ANO2: variants seen among roughly 807,000 people sequenced by gnomAD.
ANO2 encodes anoctamin-2.
Under a neutral mutation model 124.2 loss-of-function variants are expected in ANO2, and 101 were observed. The ratio of observed to expected loss-of-function variants is 0.81; its 90% CI spans 0.69 to 0.96. ANO2 has a LOEUF of 0.96. Among genes scored for constraint, ANO2 ranks in the 40% least tolerant of loss-of-function variants. ANO2 has a pLI of 0.00. For missense variants in ANO2, 1,293 were observed against 1,274.5 expected (o/e 1.01, Z -0.22); for synonymous variants, 486 against 482.5 (o/e 1.01, Z -0.09).
chr12:5,864,157 G>C (rs139635409), intron 3 of ANO2, among the ~76,000 whole-genome samples: 106 of 152,218 alleles, frequency 7.0e-4, no homozygotes, highest in Non-Finnish European at 1.3e-3. Flanking sequence ...AATCATAGCT[G>C]AGCCCACCGA....
At chr12:5,936,019 C>T (rs1032635735) in intron 1 of ANO2, among the ~76,000 whole-genome samples, 1 of 152,206 alleles carries the variant, frequency 6.6e-6, no homozygotes, top group African/African-American at 2.4e-5. Context: ...TACGTGCTTA[C>T]TAGCAATTTG....
chr12:5,800,422 A>G (rs1274435966), intron 9 of ANO2, among the ~76,000 whole-genome samples: 1 of 152,232 alleles, frequency 6.6e-6, no homozygotes, highest in Non-Finnish European at 1.5e-5. Flanking sequence ...TCTGACTGAG[A>G]TTGCAGAAGG....
chr12:5,615,070 G>T, intron 17 of ANO2, 116 bp downstream of exon 17: 1 of 699,452 alleles, frequency 1.4e-6, no homozygotes, highest in Non-Finnish European at 2.4e-6. Flanking sequence ...AAGTGGGGCG[G>T]AGAAGGGGCT....
At chr12:5,702,934 T>G (rs1226748016) in intron 14 of ANO2, among the ~76,000 whole-genome samples, 1 of 152,240 alleles carries the variant, frequency 6.6e-6, no homozygotes, top group Non-Finnish European at 1.5e-5. Flanking sequence ...ATTTGCTCAA[T>G]TATTTTAGAG....
At chr12:5,713,446 C>T (rs1949890194) in intron 14 of ANO2, among the ~76,000 whole-genome samples, 1 of 152,098 alleles carries the variant, frequency 6.6e-6, no homozygotes, top group Admixed American at 6.5e-5. Context: ...TAAACATTCC[C>T]TTCCAGAAAG....
chr12:5,566,111 G>C (rs1262805667), intron 23 of ANO2, among the ~76,000 whole-genome samples: 1 of 152,144 alleles, frequency 6.6e-6, no homozygotes, highest in African/African-American at 2.4e-5. Flanking sequence ...AGGCAGTCTT[G>C]GGCTTCTTCC....
rs114722387 is a variant in ANO2, at chr12:5,751,859, C to T, written c.1056-889G>A. On this transcript the variant is annotated intron_variant, in intron 10 of 24. Coordinates refer to ENST00000682330, the MANE Select transcript of ANO2 (RefSeq NM_001364791.2). ...GTATTGTGTAACTGAAATTTTGTAC[C>T]TTTTGACCAATATCTCCTCATTTTC... Among the ~76,000 whole-genome samples the T allele has an allele frequency of 3.1e-3, 469 of 152,078 alleles. 5 individuals carry two copies. Among genetic ancestry groups the T allele is most frequent in the African/African-American group, 0.011 (441 of 41,442 alleles).
At chr12:5,853,166 A>ATTT (rs55663635) in intron 4 of ANO2, among the ~76,000 whole-genome samples, 74,703 of 139,818 alleles carry the variant, frequency 0.53, 22,989 homozygotes, top group South Asian at 0.76. Flanking sequence ...CCCTGGGTAG[A>ATTT]TTTTTTTTTT....
intron 3 of ANO2, among the ~76,000 whole-genome samples, chr12:5,878,579 A>G (rs1337482691): frequency 6.6e-6 from 1 of 152,226 alleles, no homozygotes; most frequent in Non-Finnish European, 1.5e-5. Context: ...TTCAAATAAC[A>G]TAGACAAACA....
At chr12:5,811,137 A>G (rs1333131620) in intron 7 of ANO2, among the ~76,000 whole-genome samples, 2 of 152,192 alleles carry the variant, frequency 1.3e-5, no homozygotes, top group Non-Finnish European at 2.9e-5. Context: ...GGAAACTTTT[A>G]TCCATTGGGA....
At chr12:5,866,251 T>A (rs550623534) in intron 3 of ANO2, among the ~76,000 whole-genome samples, 1 of 152,262 alleles carries the variant, frequency 6.6e-6, no homozygotes, top group Admixed American at 6.5e-5. Context: ...ATTCACTCCA[T>A]AAAGGGAAGT....
At chr12:5,730,645 G>A (rs764707661) in intron 14 of ANO2, among the ~76,000 whole-genome samples, 2 of 152,200 alleles carry the variant, frequency 1.3e-5, no homozygotes, top group Non-Finnish European at 2.9e-5. Flanking sequence ...ATGCTATGCG[G>A]TGGGTATTGA....
At chr12:5,566,474 G>A (rs1321126235) in intron 23 of ANO2, among the ~76,000 whole-genome samples, 2 of 152,062 alleles carry the variant, frequency 1.3e-5, no homozygotes, top group African/African-American at 2.4e-5. Context: ...TCTAAGCCTG[G>A]AAAAATGACA....
chr12:5,898,258 G>A (rs1446469531), intron 3 of ANO2, among the ~76,000 whole-genome samples: 1 of 152,156 alleles, frequency 6.6e-6, no homozygotes, highest in Non-Finnish European at 1.5e-5. Flanking sequence ...GTGTTGGTAG[G>A]ATGTAGGGAA....
chr12:5,692,579 G>T (rs1363925633), intron 14 of ANO2, among the ~76,000 whole-genome samples: 1 of 152,104 alleles, frequency 6.6e-6, no homozygotes, highest in Non-Finnish European at 1.5e-5. Flanking sequence ...CCATATTCAG[G>T]CTCAGAAAAT....
chr12:5,726,064 G>A (rs1264329616), intron 14 of ANO2, among the ~76,000 whole-genome samples: 1 of 151,660 alleles, frequency 6.6e-6, no homozygotes, highest in Non-Finnish European at 1.5e-5. Flanking sequence ...TTGGTGACCT[G>A]CAGGGAAACT....
chr12:5,890,256 C>T (rs1591750144), intron 3 of ANO2, among the ~76,000 whole-genome samples: 6 of 152,242 alleles, frequency 3.9e-5, no homozygotes, highest in African/African-American at 1.4e-4. Context: ...CCCACTGGCA[C>T]ATTCAGGTCA....
At chr12:5,820,592 T>A (rs2362477) in intron 7 of ANO2, among the ~76,000 whole-genome samples, 46,630 of 152,058 alleles carry the variant, frequency 0.31, 7,492 homozygotes, top group Middle Eastern at 0.38. Flanking sequence ...GTGGGAAAGG[T>A]CAAATGGAAG....
intron 16 of ANO2, among the ~76,000 whole-genome samples, chr12:5,621,386 T>C (rs149196058): frequency 6.6e-6 from 1 of 152,312 alleles, no homozygotes; most frequent in East Asian, 1.9e-4. Flanking sequence ...GGACAAATTC[T>C]AAGGAGGGAC....
Sources: allele counts gnomAD v4.1 joint callset (sites outside exome capture counted in the v4.1 genomes callset), GRCh38; gene constraint gnomAD v4.1.1; transcripts MANE v1.5; gene names NCBI Gene and HGNC (gene_info 2026-07-23, HGNC 2026-07-21).